DENND2B: variants seen among roughly 807,000 people sequenced by gnomAD.
DENND2B encodes DENN domain-containing protein 2B.
DENND2B carries 32 observed loss-of-function variants against 116.0 expected under a neutral mutation model. That is an observed-to-expected ratio of 0.28 (90% CI 0.21 to 0.37). The LOEUF (loss-of-function observed/expected upper bound fraction) is 0.37, where lower values mean the gene tolerates loss of function less well. Ranked by LOEUF, DENND2B falls within the 10% of genes least tolerant of loss-of-function variation. The pLI is 1.00. For missense variants in DENND2B, 1,276 were observed against 1,477.7 expected (o/e 0.86, Z 2.24); for synonymous variants, 588 against 583.9 (o/e 1.01, Z -0.10).
intron 1 of DENND2B, among the ~76,000 whole-genome samples, chr11:8,887,076 C>T (rs1356629332): frequency 6.6e-6 from 1 of 152,154 alleles, no homozygotes; most frequent in Admixed American, 6.5e-5. Flanking sequence ...GATCCATCTA[C>T]CTCGGCCTCC....
chr11:8,851,345 A>C (rs1445651640), intron 3 of DENND2B, among the ~76,000 whole-genome samples: 1 of 152,182 alleles, frequency 6.6e-6, no homozygotes. Flanking sequence ...AAAACATGTA[A>C]ATCATAAAAG....
chr11:8,718,092 A>AGCCTACCCCC (rs369119901), intron 4 of DENND2B, 200 bp from the exon 5 acceptor site: 1 of 242,092 alleles, frequency 4.1e-6, no homozygotes, highest in Non-Finnish European at 7.5e-6. Flanking sequence ...CCAGAAGCAG[A>AGCCTACCCCC]CCCACCCCCC....
At chr11:8,699,861 C>T (rs1178318044) in intron 14 of DENND2B, 1 of 456,532 alleles carries the variant, frequency 2.2e-6, no homozygotes, top group Admixed American at 2.3e-5. Flanking sequence ...ACCTACCCCT[C>T]CCCTCTCCAG....
chr11:8,747,102 G>GGCT (rs2051403370), intron 2 of DENND2B, among the ~76,000 whole-genome samples: 1 of 152,090 alleles, frequency 6.6e-6, no homozygotes, highest in Non-Finnish European at 1.5e-5. Flanking sequence ...TGCTCTAAGA[G>GGCT]GCTGCTCTCC....
At chr11:8,748,880 T>C (rs1593117252) in intron 2 of DENND2B, among the ~76,000 whole-genome samples, 1 of 152,076 alleles carries the variant, frequency 6.6e-6, no homozygotes, top group African/African-American at 2.4e-5. Flanking sequence ...TGAAACTTGA[T>C]GTAAATACTG....
Position 8,750,798 on chromosome 11 carries a change from A to G in DENND2B, c.-25-73T>C, listed in dbSNP as rs1442224146. 3.5e-6 allele frequency: 5 copies of G among 1,421,900 alleles called. No individual in the cohort carries two copies. The Admixed American group carries it at 6.8e-5, about 19-fold the overall frequency. 88.1% of individuals were successfully genotyped at this position (1,421,900 alleles called of 1,614,324 possible). On this transcript the variant is annotated intron_variant, in intron 1 of 19. Coordinates refer to ENST00000313726, the MANE Select transcript of DENND2B (RefSeq NM_213618.2). ...AAGCACCTTGAACATCTTCCAGATGACCTCCAAAAGTGCCAAGAGGGTGTC... is the reference window on the plus strand; with the variant it reads ...AAGCACCTTGAACATCTTCCAGATGGCCTCCAAAAGTGCCAAGAGGGTGTC...
chr11:8,837,697 C>A (rs1029551386), intron 4 of DENND2B, among the ~76,000 whole-genome samples: 6 of 152,182 alleles, frequency 3.9e-5, no homozygotes, highest in Non-Finnish European at 7.3e-5. Context: ...AATACCCTCC[C>A]CTTCCTTGCT....
intron 2 of DENND2B, among the ~76,000 whole-genome samples, chr11:8,738,939 T>C (rs2133975781): frequency 6.6e-6 from 1 of 152,286 alleles, no homozygotes; most frequent in African/African-American, 2.4e-5. Flanking sequence ...AGGCCTCCAC[T>C]GGGGAGACAT....
At position 8,707,926 on chromosome 11, in the gene DENND2B, T is replaced by C. The variant is rs2133771228; in HGVS notation, c.2353-72A>G. Reference sequence around the variant, plus strand: ...GCATGATTACCATTTCTGGCTCCTTTTCCTTGGGAACGGAGGAGTAAGGAC... The same window carrying C: ...GCATGATTACCATTTCTGGCTCCTTCTCCTTGGGAACGGAGGAGTAAGGAC... On this transcript the variant is annotated intron_variant, in intron 11 of 19. Coordinates refer to ENST00000313726, the MANE Select transcript of DENND2B (RefSeq NM_213618.2). The surrounding 1 kb of genome is among the most constrained non-coding windows in gnomAD (Gnocchi z 4.8). 6.4e-7 allele frequency: 1 copy of C among 1,556,254 alleles called. No homozygotes were observed.
intron 3 of DENND2B, among the ~76,000 whole-genome samples, chr11:8,727,967 ACAC>A (rs2047390024): frequency 3.5e-3 from 3 of 860 alleles, no homozygotes; most frequent in African/African-American, 0.017. Context: ...TTACACAAAC[ACAC>A]ACACACACAC....
chr11:8,735,583 T>A (rs1041097868), intron 2 of DENND2B, among the ~76,000 whole-genome samples: 29 of 152,208 alleles, frequency 1.9e-4, no homozygotes, highest in Admixed American at 1.8e-3. Flanking sequence ...TGGCCTTCCT[T>A]CCCCACTTCC....
chr11:8,873,503 T>G (rs2063813316), upstream of DENND2B, among the ~76,000 whole-genome samples: 1 of 152,260 alleles, frequency 6.6e-6, no homozygotes, highest in African/African-American at 2.4e-5. Context: ...ACTTCATATA[T>G]GTGACTATTA....
intron 2 of DENND2B, among the ~76,000 whole-genome samples, chr11:8,879,279 G>T (rs758722477): frequency 2.0e-5 from 3 of 152,206 alleles, no homozygotes; most frequent in Non-Finnish European, 2.9e-5. Flanking sequence ...CCAAAGCCAT[G>T]TGAGACTGTA....
upstream of DENND2B, among the ~76,000 whole-genome samples, chr11:8,874,927 AG>A (rs1165814790): frequency 3.3e-5 from 5 of 152,020 alleles, no homozygotes; most frequent in African/African-American, 1.2e-4. Context: ...CCTGTCTCAA[AG>A]AAAAGGTATT....
chr11:8,871,438 G>T (rs2063780502), upstream of DENND2B: 1 of 152,234 alleles, frequency 6.6e-6, no homozygotes, highest in African/African-American at 2.4e-5. Flanking sequence ...CTGGAGTCCA[G>T]ATGGTTTCAA....
intron 14 of DENND2B, among the ~76,000 whole-genome samples, chr11:8,700,950 T>G (rs2041477635): frequency 6.6e-6 from 1 of 152,050 alleles, no homozygotes; most frequent in Non-Finnish European, 1.5e-5. Context: ...GCCTCCTGAG[T>G]AGCTGGGACT....
chr11:8,897,143 G>C (rs1217435238), intron 1 of DENND2B, among the ~76,000 whole-genome samples: 1 of 151,930 alleles, frequency 6.6e-6, no homozygotes, highest in Non-Finnish European at 1.5e-5. Context: ...TGTAATCCCA[G>C]CTACTCTGGA....
chr11:8,792,488 CA>C (rs915681409), intron 1 of DENND2B, among the ~76,000 whole-genome samples: 5 of 151,516 alleles, frequency 3.3e-5, no homozygotes, highest in African/African-American at 7.3e-5. Flanking sequence ...TAAACAAAGT[CA>C]AAAAAAATTT....
intron 1 of DENND2B, among the ~76,000 whole-genome samples, chr11:8,801,553 TATA>T: frequency 6.6e-6 from 1 of 151,880 alleles, no homozygotes; most frequent in South Asian, 2.1e-4. Context: ...AGCATGCACC[TATA>T]ATCTCAGCTA....
Sources: allele counts gnomAD v4.1 joint callset (sites outside exome capture counted in the v4.1 genomes callset), GRCh38; gene constraint gnomAD v4.1.1; non-coding constraint Gnocchi (gnomAD v3.1); transcripts MANE v1.5; gene names NCBI Gene and HGNC (gene_info 2026-07-23, HGNC 2026-07-21).